Variants in EBF2 observed in about 807,000 individuals in gnomAD.
The protein encoded by EBF2 is transcription factor COE2.
In EBF2, 21 loss-of-function variants were observed where a neutral mutation model predicts 72.8. That is an observed-to-expected ratio of 0.29 (90% confidence interval 0.20 to 0.42). EBF2 has a LOEUF of 0.42. Ranked by LOEUF, EBF2 falls within the 10% of genes least tolerant of loss-of-function variation. The pLI is 1.00. For missense variants in EBF2, 637 were observed against 731.2 expected (o/e 0.87, Z 1.49); for synonymous variants, 299 against 274.2 (o/e 1.09, Z -0.89).
intron 6 of EBF2, among the ~76,000 whole-genome samples, chr8:25,993,719 G>A (rs1423995274): frequency 2.6e-5 from 4 of 151,884 alleles, no homozygotes; most frequent in Non-Finnish European, 5.9e-5. Flanking sequence ...TGTAATAGAA[G>A]AAGCATTAAA....
intron 15 of EBF2, 128 bp downstream of exon 15, chr8:25,850,466 C>G: frequency 8.5e-7 from 1 of 1,180,844 alleles, no homozygotes; most frequent in East Asian, 2.9e-5. Context: ...CATTCATGTC[C>G]CATGATAAGA....
chr8:25,878,654 T>C (rs1258583192), intron 10 of EBF2, among the ~76,000 whole-genome samples: 1 of 152,212 alleles, frequency 6.6e-6, no homozygotes, highest in Non-Finnish European at 1.5e-5. Context: ...GTGGAAGTTT[T>C]TCTAGAAAGT....
intron 6 of EBF2, among the ~76,000 whole-genome samples, chr8:26,019,084 C>G (rs545791597): frequency 2.4e-4 from 36 of 152,296 alleles, no homozygotes; most frequent in African/African-American, 7.2e-4. Context: ...CTCCCTGGGT[C>G]AGGCTTTCTG....
At chr8:25,945,088 G>GCCCCCCCCCCC (rs11461828) in intron 6 of EBF2, among the ~76,000 whole-genome samples, 38 of 127,358 alleles carry the variant, frequency 3.0e-4, no homozygotes, top group African/African-American at 4.8e-4. Flanking sequence ...TTGTTCTGTT[G>GCCCCCCCCCCC]CCCCCCCCGC....
intron 6 of EBF2, among the ~76,000 whole-genome samples, chr8:26,013,674 A>C (rs1805063193): frequency 6.6e-6 from 1 of 151,740 alleles, no homozygotes; most frequent in African/African-American, 2.4e-5. Flanking sequence ...CTACTCTCAA[A>C]TCACATTTCC....
chr8:25,856,957 G>A (rs1017573510), intron 14 of EBF2, among the ~76,000 whole-genome samples: 2 of 152,024 alleles, frequency 1.3e-5, no homozygotes, highest in Non-Finnish European at 2.9e-5. Flanking sequence ...GTTTCTTTTA[G>A]CTCAGTTTCT....
At chr8:26,005,542 TTATA>T (rs753242991) in intron 6 of EBF2, among the ~76,000 whole-genome samples, 3 of 40,232 alleles carry the variant, frequency 7.5e-5, no homozygotes, top group Non-Finnish European at 1.5e-4. Context: ...TATATATATT[TTATA>T]TATATATATA....
At chr8:25,922,573 TATC>T (rs1320939254) in intron 6 of EBF2, among the ~76,000 whole-genome samples, 8 of 152,192 alleles carry the variant, frequency 5.3e-5, no homozygotes, top group Non-Finnish European at 1.0e-4. Context: ...CCAGAACAGA[TATC>T]ATTATTAAGT....
In EBF2 at chr8:26,045,407, C is replaced by A. The variant is rs377401848; in HGVS notation, c.-548G>T. 1.3e-5 allele frequency: 2 copies of A among 152,284 alleles called. No individual in the cohort carries two copies. 9.4% of individuals were successfully genotyped at this position (152,284 alleles called of 1,614,324 possible). A position where few individuals can be genotyped will look rare whatever the true frequency, so the allele number is the denominator to read the frequency against. On this transcript the variant is annotated 5_prime_UTR_variant, in exon 1 of 16. Transcript: ENST00000520164. ...CGCGGGCCCCATGAATGGGTTACTA[C>A]GGCCCTGGCTGCGGGAGGCGGAGCT...
intron 6 of EBF2, among the ~76,000 whole-genome samples, chr8:26,016,265 T>G (rs1236711924): frequency 6.6e-6 from 1 of 152,208 alleles, no homozygotes; most frequent in East Asian, 1.9e-4. Context: ...GTCTACCAAC[T>G]GCACACCACT....
At chr8:25,982,538 A>G (rs1337382738) in intron 6 of EBF2, among the ~76,000 whole-genome samples, 1 of 152,036 alleles carries the variant, frequency 6.6e-6, no homozygotes, top group Non-Finnish European at 1.5e-5. Context: ...TTAATGTAAG[A>G]CTCCATGGGC....
intron 10 of EBF2, among the ~76,000 whole-genome samples, chr8:25,874,045 C>T (rs924131736): frequency 6.6e-6 from 1 of 152,264 alleles, no homozygotes; most frequent in Non-Finnish European, 1.5e-5. Flanking sequence ...ATTGACTCAA[C>T]CTGTCTCCAG....
At chr8:26,006,562 A>G (rs1362407067) in intron 6 of EBF2, among the ~76,000 whole-genome samples, 1 of 152,212 alleles carries the variant, frequency 6.6e-6, no homozygotes, top group African/African-American at 2.4e-5. Context: ...CTATATTTAA[A>G]TAAACAACCT....
chr8:26,000,666 T>A (rs1009824838), intron 6 of EBF2, among the ~76,000 whole-genome samples: 1 of 152,192 alleles, frequency 6.6e-6, no homozygotes, highest in African/African-American at 2.4e-5. Flanking sequence ...GACACTGTCA[T>A]ATGGAAACAC....
chr8:26,029,594 T>C (rs1056711663), intron 6 of EBF2, among the ~76,000 whole-genome samples: 3 of 152,142 alleles, frequency 2.0e-5, no homozygotes, highest in African/African-American at 7.2e-5. Flanking sequence ...ACAGACTTCT[T>C]CTGAGCCAGA....
Position 25,861,337 on chromosome 8 carries a change from G to A in EBF2, c.1136C>T (p.Ala379Val). The change falls in exon 12 of 16, where the codon GCT becomes GTT. Residue 379 changes from alanine to valine, a missense_variant. Physicochemically the swap from Ala to Val is moderately conservative, Grantham distance 64 (BLOSUM62 0). Coordinates refer to ENST00000520164, the MANE Select transcript of EBF2 (RefSeq NM_022659.4). ...LLKRAADLVE[A>V]LYGTPHNNQD... ...GTTATTGTGTGGTGTGCCATAAAGA[G>A]CTTCCACTAGATCTGCAGCTCTTTT... 1 of 1,614,194 alleles carries A rather than the reference G, an allele frequency of 6.2e-7. No individual in the cohort carries two copies. Among genetic ancestry groups the A allele is most frequent in the Non-Finnish European group, 8.5e-7 (1 of 1,180,028 alleles).
chr8:26,025,026 G>A (rs532340573), intron 6 of EBF2, among the ~76,000 whole-genome samples: 5 of 152,286 alleles, frequency 3.3e-5, no homozygotes, highest in Non-Finnish European at 7.4e-5. Context: ...CAAGGGAAAA[G>A]ATTTTCACTA....
chr8:25,865,800 CAGATCATG>C (rs1296053836), intron 10 of EBF2, among the ~76,000 whole-genome samples: 1 of 151,014 alleles, frequency 6.6e-6, no homozygotes, highest in East Asian at 2.1e-4. Context: ...CTGAGGCGGG[CAGATCATG>C]AGGTCAGGAG....
intron 6 of EBF2, among the ~76,000 whole-genome samples, chr8:26,029,990 C>A (rs566814089): frequency 4.9e-4 from 75 of 152,284 alleles, no homozygotes; most frequent in Non-Finnish European, 9.9e-4. Flanking sequence ...CAGTTCTCTG[C>A]AGCCTCCACC....
Sources: gnomAD v4.1 joint callset for allele counts (sites outside exome capture counted in the v4.1 genomes callset) on GRCh38, gnomAD v4.1.1 for gene constraint, MANE v1.5 for transcripts, NCBI Gene and HGNC (gene_info 2026-07-23, HGNC 2026-07-21) for gene names.